Variants in ST18 observed in about 807,000 individuals in gnomAD.
ST18 encodes the protein ST18 C2H2C-type zinc finger transcription factor, also known as suppression of tumorigenicity 18 protein.
ST18 carries 50 observed loss-of-function variants against 110.0 expected under a neutral mutation model. The observed-to-expected ratio is 0.45, with a 90% CI of 0.36 to 0.58. The LOEUF (loss-of-function observed/expected upper bound fraction) is 0.58. Ranked by LOEUF, ST18 falls within the 20% of genes least tolerant of loss-of-function variation. The pLI, the probability that ST18 is intolerant of heterozygous loss-of-function variation, is 0.00. For missense variants in ST18, 1,306 were observed against 1,280.1 expected (o/e 1.02, Z -0.31); for synonymous variants, 461 against 452.4 (o/e 1.02, Z -0.24).
chr8:52,256,241 A>G (rs1282894505), intron 2 of ST18, among the ~76,000 whole-genome samples: 1 of 152,224 alleles, frequency 6.6e-6, no homozygotes, highest in Non-Finnish European at 1.5e-5. Flanking sequence ...CAGTTCATCA[A>G]TGTTTTGCAA....
At chr8:52,147,224 A>G (rs2057558522) in intron 16 of ST18, among the ~76,000 whole-genome samples, 1 of 152,254 alleles carries the variant, frequency 6.6e-6, no homozygotes, top group Non-Finnish European at 1.5e-5. Flanking sequence ...TGTCCCAGAT[A>G]TATATGCATG....
intron 2 of ST18, among the ~76,000 whole-genome samples, chr8:52,379,015 A>G (rs1458263532): frequency 2.0e-5 from 3 of 152,198 alleles, no homozygotes; most frequent in Non-Finnish European, 2.9e-5. Flanking sequence ...GTACCTCATT[A>G]GAAATTTTAC....
intron 2 of ST18, among the ~76,000 whole-genome samples, chr8:52,258,246 T>C (rs1020496167): frequency 6.6e-6 from 1 of 152,194 alleles, no homozygotes; most frequent in Non-Finnish European, 1.5e-5. Context: ...TCCAGGATTG[T>C]TTTGACTATT....
At chr8:52,143,300 C>T (rs1449516027) in intron 16 of ST18, among the ~76,000 whole-genome samples, 3 of 152,158 alleles carry the variant, frequency 2.0e-5, no homozygotes, top group Non-Finnish European at 4.4e-5. Flanking sequence ...TCCTGGCCAA[C>T]ATGGTGAAAT....
chr8:52,235,513 A>G (rs971112872), intron 2 of ST18, among the ~76,000 whole-genome samples: 4 of 152,236 alleles, frequency 2.6e-5, no homozygotes, highest in Non-Finnish European at 5.9e-5. Flanking sequence ...AAAGGGAACT[A>G]TGATGATGCC....
intron 8 of ST18, among the ~76,000 whole-genome samples, chr8:52,181,363 G>A (rs2069451593): frequency 6.6e-6 from 1 of 152,056 alleles, no homozygotes; most frequent in Non-Finnish European, 1.5e-5. Flanking sequence ...CGCAAAAGAT[G>A]GTGCCTATTC....
intron 2 of ST18, among the ~76,000 whole-genome samples, chr8:52,308,947 C>A (rs1352668202): frequency 6.6e-6 from 1 of 152,216 alleles, no homozygotes; most frequent in Non-Finnish European, 1.5e-5. Context: ...TGGGCATATT[C>A]TCTTTCTATA....
At chr8:52,173,334 G>A (rs922909542) in intron 9 of ST18, among the ~76,000 whole-genome samples, 1 of 152,188 alleles carries the variant, frequency 6.6e-6, no homozygotes, top group African/African-American at 2.4e-5. Context: ...GTGGGGCATT[G>A]GAGGGTGCTG....
At position 52,163,606 on chromosome 8, in the gene ST18, G is replaced by C. The variant is rs2062011282; in HGVS notation, c.1400+380C>G. Among the ~76,000 whole-genome samples, 3 of 152,146 alleles carry C rather than the reference G, an allele frequency of 2.0e-5. No individual in the cohort carries two copies. In the South Asian group the frequency reaches 6.2e-4, roughly 32 times the overall value. Reference sequence around the variant, plus strand: ...AACAGTACATATTTAGGAAAGGCAGGAGTGACTTCTGATGGCATTTTCTCC... The same window carrying C: ...AACAGTACATATTTAGGAAAGGCAGCAGTGACTTCTGATGGCATTTTCTCC... On this transcript the variant is annotated intron_variant, in intron 13 of 25. Transcript: ENST00000689386.
At chr8:52,368,784 C>T (rs552958947) in intron 2 of ST18, among the ~76,000 whole-genome samples, 57 of 152,164 alleles carry the variant, frequency 3.7e-4, no homozygotes, top group Middle Eastern at 6.8e-3. Flanking sequence ...AGGATGAATA[C>T]ACTGATCGAT....
rs772147195 is a variant in ST18, at chr8:52,172,013, C to T, written c.848G>A (p.Ser283Asn). ...PSFPDVEEEDSESLAVMTEEG... is the reference protein window; with the variant it reads ...PSFPDVEEEDNESLAVMTEEG... ...TTCCGTCATTACTGCCAGGCTCTCG[C>T]TATCTTCCTCCTCAACGTCAGGGAA... The change falls in exon 10 of 26, where the codon AGC (serine) becomes AAC (asparagine). Residue 283 changes from serine (S) to asparagine (N), a missense_variant. Physicochemically the swap from Ser to Asn is conservative, Grantham distance 46 (BLOSUM62 1). Transcript: ENST00000689386. 3 of 1,614,232 alleles carry T rather than the reference C, an allele frequency of 1.9e-6. No homozygotes were observed. The highest frequency in any genetic ancestry group is 2.5e-6 in the Non-Finnish European group (3 of 1,180,042).
intron 2 of ST18, among the ~76,000 whole-genome samples, chr8:52,342,006 T>C (rs1187139115): frequency 5.3e-5 from 8 of 152,200 alleles, no homozygotes; most frequent in Non-Finnish European, 1.2e-4. Flanking sequence ...AAGGAATACA[T>C]TCAAAAGATC....
chr8:52,279,526 A>G (rs1468946143), intron 2 of ST18, among the ~76,000 whole-genome samples: 1 of 152,200 alleles, frequency 6.6e-6, no homozygotes, highest in African/African-American at 2.4e-5. Context: ...AAATTTTCTC[A>G]GATTTCTGAG....
rs554032937 is a variant in ST18, at chr8:52,329,767, A to G, written c.-465+79561T>C. 2.0e-5 allele frequency among the ~76,000 whole-genome samples: 3 copies of G among 152,268 alleles called. No individual in the cohort carries two copies. The East Asian group carries it at 5.8e-4, about 29-fold the overall frequency. On this transcript the variant is annotated intron_variant, in intron 2 of 25. Coordinates refer to ENST00000689386, the MANE Select transcript of ST18 (RefSeq NM_001352837.2). Reference sequence around the variant, plus strand: ...CAGAGCGAGGCTCTGTCTAAAAAAAAAGAAAGAAACAAAAAAAGAAAAGAA... The same window carrying G: ...CAGAGCGAGGCTCTGTCTAAAAAAAGAGAAAGAAACAAAAAAAGAAAAGAA...
intron 2 of ST18, among the ~76,000 whole-genome samples, chr8:52,300,647 C>T (rs2095706559): frequency 6.6e-6 from 1 of 152,224 alleles, no homozygotes; most frequent in Admixed American, 6.5e-5. Context: ...TATTTCATGA[C>T]ACATGAAAAT....
intron 2 of ST18, 54 bp downstream of exon 2, chr8:52,409,274 C>T (rs1447764494): frequency 6.6e-6 from 1 of 152,246 alleles, no homozygotes; most frequent in Non-Finnish European, 1.5e-5. Flanking sequence ...CAAAGTTCAA[C>T]CCAGTGCGAT....
At chr8:52,287,228 A>G (rs941237530) in intron 2 of ST18, among the ~76,000 whole-genome samples, 2 of 152,248 alleles carry the variant, frequency 1.3e-5, no homozygotes, top group Admixed American at 6.5e-5. Context: ...TTCTATGTAC[A>G]TAGAACCTAT....
At chr8:52,369,054 A>G (rs755815935) in intron 2 of ST18, among the ~76,000 whole-genome samples, 1 of 152,304 alleles carries the variant, frequency 6.6e-6, no homozygotes, top group Non-Finnish European at 1.5e-5. Flanking sequence ...TTTGCTAAAA[A>G]AAGGAAAAAC....
intron 16 of ST18, among the ~76,000 whole-genome samples, chr8:52,145,958 A>G (rs1025980725): frequency 6.6e-6 from 1 of 152,170 alleles, no homozygotes; most frequent in Admixed American, 6.5e-5. Flanking sequence ...TGGACAGGCT[A>G]TTTCACTGAG....
Sources: allele counts gnomAD v4.1 joint callset (sites outside exome capture counted in the v4.1 genomes callset), GRCh38; gene constraint gnomAD v4.1.1; transcripts MANE v1.5; gene names NCBI Gene and HGNC (gene_info 2026-07-23, HGNC 2026-07-21).